CALN1: variants seen among roughly 807,000 people sequenced by gnomAD.
CALN1 encodes calcium-binding protein 8.
A neutral mutation model predicts 30.6 loss-of-function variants in CALN1; 17 were observed. The observed-to-expected ratio is 0.56, with a 90% CI of 0.38 to 0.83. CALN1 has a LOEUF of 0.83. Among genes scored for constraint, CALN1 ranks in the 40% least tolerant of loss-of-function variants. The probability of loss-of-function intolerance (pLI) is 0.00; values close to 1 mark genes in which losing one functional copy is unlikely to be tolerated. For synonymous variants in CALN1, 156 were observed against 131.4 expected, an observed-to-expected ratio of 1.19 and a Z score of -1.28; for missense variants, 291 against 354.9, an observed-to-expected ratio of 0.82 and a Z score of 1.45.
At chr7:72,359,315 T>C (rs910931983) in intron 2 of CALN1, among the ~76,000 whole-genome samples, 1 of 152,272 alleles carries the variant, frequency 6.6e-6, no homozygotes, top group African/African-American at 2.4e-5. Context: ...AAAAACAATA[T>C]TCAATAACAC....
chr7:72,463,798 C>A, the CALN1 span, among the ~76,000 whole-genome samples: 1 of 151,896 alleles, frequency 6.6e-6, no homozygotes, highest in African/African-American at 2.4e-5. Flanking sequence ...TGGTCTCAAG[C>A]AATCCTCCCA....
chr7:72,476,837 A>G, the CALN1 span, among the ~76,000 whole-genome samples: 1 of 152,226 alleles, frequency 6.6e-6, no homozygotes, highest in Non-Finnish European at 1.5e-5. Context: ...GCTGGAGATC[A>G]TGTTCTATTG....
intron 5 of CALN1, among the ~76,000 whole-genome samples, chr7:71,919,274 A>C (rs1178639265): frequency 6.6e-6 from 1 of 152,238 alleles, no homozygotes; most frequent in Non-Finnish European, 1.5e-5. Flanking sequence ...CACAATGCCT[A>C]CATGATAAGG....
intron 4 of CALN1, among the ~76,000 whole-genome samples, chr7:72,081,070 A>T (rs1344742907): frequency 6.6e-6 from 1 of 152,132 alleles, no homozygotes; most frequent in African/African-American, 2.4e-5. Flanking sequence ...TTCGCAATTG[A>T]TCATGTCAGG....
chr7:71,791,482 C>T (rs1445523648), intron 6 of CALN1, among the ~76,000 whole-genome samples: 1 of 152,096 alleles, frequency 6.6e-6, no homozygotes, highest in African/African-American at 2.4e-5. Flanking sequence ...TTCTCACTTA[C>T]AAGTGGGAGC....
chr7:72,269,036 C>A (rs559123624), intron 3 of CALN1, among the ~76,000 whole-genome samples: 89 of 152,214 alleles, frequency 5.8e-4, no homozygotes, highest in African/African-American at 1.5e-3. Context: ...TGGCTCTCTG[C>A]CTGGGGACAA....
chr7:72,251,599 C>T (rs1457131696), intron 3 of CALN1, among the ~76,000 whole-genome samples: 1 of 152,102 alleles, frequency 6.6e-6, no homozygotes, highest in African/African-American at 2.4e-5. Context: ...CAAGGCCTCA[C>T]TCTGTTGTCC....
intron 5 of CALN1, among the ~76,000 whole-genome samples, chr7:71,828,860 T>A (rs886309883): frequency 6.6e-6 from 1 of 151,914 alleles, no homozygotes; most frequent in South Asian, 2.1e-4. Flanking sequence ...GTGATTCTCC[T>A]GCCTCAGCCT....
At chr7:71,836,861 G>A (rs1439393929) in intron 5 of CALN1, among the ~76,000 whole-genome samples, 15 of 151,220 alleles carry the variant, frequency 9.9e-5, no homozygotes. Context: ...CAAGTCATCT[G>A]CCCACCTCGG....
intron 4 of CALN1, among the ~76,000 whole-genome samples, chr7:72,100,902 T>A (rs983776728): frequency 6.6e-6 from 1 of 151,924 alleles, no homozygotes; most frequent in Non-Finnish European, 1.5e-5. Flanking sequence ...CCAACCTATG[T>A]GTAAAGAAGT....
intron 5 of CALN1, among the ~76,000 whole-genome samples, chr7:71,999,509 C>G (rs1168376238): frequency 6.6e-6 from 1 of 151,994 alleles, no homozygotes; most frequent in Non-Finnish European, 1.5e-5. Flanking sequence ...CATCCAACAG[C>G]AGCATATGCA....
Position 72,144,043 on chromosome 7 carries a change from G to T in CALN1, c.245-37749C>A, listed in dbSNP as rs559840238. 3.9e-5 allele frequency among the ~76,000 whole-genome samples: 6 copies of T among 152,076 alleles called. No homozygotes were observed. The East Asian group carries it at 1.2e-3, about 29-fold the overall frequency. ...AACATGCCAAACTGTAAAGACCATC[G>T]AGGCTAGGAAGAAACTGCATCAACT... On this transcript the variant is annotated intron_variant, in intron 3 of 6. Coordinates refer to ENST00000395275, the MANE Select transcript of CALN1 (RefSeq NM_031468.4).
chr7:72,279,986 G>A (rs894634462), intron 2 of CALN1, among the ~76,000 whole-genome samples: 5 of 152,146 alleles, frequency 3.3e-5, no homozygotes, highest in African/African-American at 7.2e-5. Context: ...TGAAACCCCT[G>A]AAAATTAAAA....
chr7:72,021,288 A>T (rs1207797499), intron 5 of CALN1, among the ~76,000 whole-genome samples: 1 of 151,982 alleles, frequency 6.6e-6, no homozygotes, highest in Non-Finnish European at 1.5e-5. Flanking sequence ...AATACACAAA[A>T]AACAAGCAAA....
In CALN1 at chr7:72,278,117, G is replaced by C. The variant is rs554515490; in HGVS notation, c.244+569C>G. On this transcript the variant is annotated intron_variant, in intron 3 of 6. Transcript: ENST00000395275. Reference sequence around the variant, plus strand: ...TTAGTCATCACGTTCCCAGGTTTATGTCCATCCCTAACCCCTGCCTTGAGC... The same window carrying C: ...TTAGTCATCACGTTCCCAGGTTTATCTCCATCCCTAACCCCTGCCTTGAGC... Among the ~76,000 whole-genome samples, 17 of 150,946 alleles carry C rather than the reference G, an allele frequency of 1.1e-4. No homozygotes were observed. In the South Asian group the frequency reaches 2.5e-3, roughly 22 times the overall value.
At chr7:71,809,804 A>C (rs1024876283) in intron 6 of CALN1, among the ~76,000 whole-genome samples, 38 of 151,786 alleles carry the variant, frequency 2.5e-4, no homozygotes, top group African/African-American at 9.2e-4. Flanking sequence ...GGTTAAGTTC[A>C]TCAGAGGACT....
chr7:72,497,828 C>A, the CALN1 span, among the ~76,000 whole-genome samples: 1 of 152,090 alleles, frequency 6.6e-6, no homozygotes, highest in Admixed American at 6.5e-5. Context: ...GGGGAAAAAA[C>A]AGTTAATAAA....
intron 5 of CALN1, among the ~76,000 whole-genome samples, chr7:71,944,396 AC>A (rs1213506956): frequency 6.6e-6 from 1 of 152,012 alleles, no homozygotes; most frequent in Non-Finnish European, 1.5e-5. Context: ...GAGGTTTGAA[AC>A]CAACCTGGTC....
chr7:71,939,279 C>T (rs1437931706), intron 5 of CALN1, among the ~76,000 whole-genome samples: 2 of 151,566 alleles, frequency 1.3e-5, no homozygotes, highest in Non-Finnish European at 2.9e-5. Context: ...TGGATGTGGC[C>T]GGGCGTGGTG....
Sources: allele counts gnomAD v4.1 joint callset (sites outside exome capture counted in the v4.1 genomes callset), GRCh38; gene constraint gnomAD v4.1.1; transcripts MANE v1.5; gene names NCBI Gene and HGNC (gene_info 2026-07-23, HGNC 2026-07-21).